Variants in XNDC1N observed in about 807,000 individuals in gnomAD.
XNDC1N encodes the protein protein XNDC1N.
chr11:71,873,876 G>C, the XNDC1N span, among the ~76,000 whole-genome samples: 1 of 152,182 alleles, frequency 6.6e-6, no homozygotes, highest in Admixed American at 6.5e-5. Context: ...TTGCATTTTA[G>C]AAACATATCT....
the XNDC1N span, among the ~76,000 whole-genome samples, chr11:71,890,231 T>C: frequency 6.6e-6 from 1 of 152,232 alleles, no homozygotes; most frequent in East Asian, 1.9e-4. Context: ...ACAGGGTTGA[T>C]GTACACCCAC....
At chr11:71,910,268 G>A in the XNDC1N span, among the ~76,000 whole-genome samples, 115,148 of 152,112 alleles carry the variant, frequency 0.76, 45,122 homozygotes, top group Non-Finnish European at 0.87. Flanking sequence ...TAAATAACCC[G>A]TCCACATTGT....
chr11:71,917,312 C>T, the XNDC1N span: 1 of 655,022 alleles, frequency 1.5e-6, no homozygotes, highest in Non-Finnish European at 2.8e-6. Context: ...CCACGCCTGG[C>T]CACAAAAATA....
At chr11:71,869,581 T>C in the XNDC1N span, among the ~76,000 whole-genome samples, 1 of 151,838 alleles carries the variant, frequency 6.6e-6, no homozygotes, top group African/African-American at 2.4e-5. Context: ...TCATAGAGAG[T>C]TTTTCATATC....
At chr11:71,867,149 T>G in the XNDC1N span, among the ~76,000 whole-genome samples, 1 of 147,688 alleles carries the variant, frequency 6.8e-6, no homozygotes, top group Non-Finnish European at 1.5e-5. Flanking sequence ...AACTGTTAAA[T>G]AACACAACAG....
the XNDC1N span, among the ~76,000 whole-genome samples, chr11:71,885,255 A>G: frequency 6.6e-6 from 1 of 152,092 alleles, no homozygotes; most frequent in Admixed American, 6.5e-5. Flanking sequence ...AAACAATATC[A>G]GTGGGGGTGT....
At chr11:71,901,212 G>A in the XNDC1N span, among the ~76,000 whole-genome samples, 1 of 152,102 alleles carries the variant, frequency 6.6e-6, no homozygotes, top group South Asian at 2.1e-4. Flanking sequence ...TCATCAATTC[G>A]GAGTTTGGCT....
At chr11:71,901,866 T>A in the XNDC1N span, among the ~76,000 whole-genome samples, 2 of 152,066 alleles carry the variant, frequency 1.3e-5, no homozygotes, top group Non-Finnish European at 2.9e-5. Context: ...GACGGATGCA[T>A]AAAGTAAAGG....
the XNDC1N span, among the ~76,000 whole-genome samples, chr11:71,885,931 G>A: frequency 3.9e-3 from 579 of 150,004 alleles, 3 homozygotes; most frequent in African/African-American, 0.014. Flanking sequence ...CATTATTATC[G>A]GTATTGATTT....
chr11:71,894,454 T>A, the XNDC1N span: 3 of 160,800 alleles, frequency 1.9e-5, no homozygotes, highest in Admixed American at 6.3e-5. Flanking sequence ...CCACATTAAA[T>A]CTCTACTTCT....
chr11:71,927,217 A>T, the XNDC1N span, among the ~76,000 whole-genome samples: 1 of 152,130 alleles, frequency 6.6e-6, no homozygotes, highest in East Asian at 1.9e-4. Context: ...ACTGCACTCC[A>T]GCCTGGGCGA....
the XNDC1N span, among the ~76,000 whole-genome samples, chr11:71,896,872 A>G: frequency 6.6e-6 from 1 of 152,102 alleles, no homozygotes; most frequent in Non-Finnish European, 1.5e-5. Flanking sequence ...CCCATGCTGT[A>G]TCCTTATCTG....
the XNDC1N span, among the ~76,000 whole-genome samples, chr11:71,889,604 G>A: frequency 1.3e-5 from 2 of 152,174 alleles, no homozygotes; most frequent in South Asian, 2.1e-4. Context: ...ACCACCCATC[G>A]AGGTCAGGAG....
the XNDC1N span, among the ~76,000 whole-genome samples, chr11:71,895,476 T>A: frequency 8.1e-4 from 12 of 14,872 alleles, no homozygotes; most frequent in African/African-American, 6.5e-3. Context: ...TGCCTGGCTA[T>A]TTTTTTTTTT....
At chr11:71,882,203 T>C in the XNDC1N span, among the ~76,000 whole-genome samples, 1 of 148,114 alleles carries the variant, frequency 6.8e-6, no homozygotes, top group African/African-American at 2.6e-5. Context: ...AAGTGAAATA[T>C]TTAAAATGTT....
At chr11:71,898,009 C>T in the XNDC1N span, among the ~76,000 whole-genome samples, 11 of 152,182 alleles carry the variant, frequency 7.2e-5, no homozygotes, top group Admixed American at 7.2e-4. Context: ...TTGGTGAAAC[C>T]CTGTCTCTAC....
the XNDC1N span, among the ~76,000 whole-genome samples, chr11:71,919,201 AT>A: frequency 6.6e-6 from 1 of 152,294 alleles, no homozygotes; most frequent in Admixed American, 6.5e-5. Context: ...TGGTTTACAG[AT>A]ACCATTTTTC....
the XNDC1N span, among the ~76,000 whole-genome samples, chr11:71,886,071 G>A: frequency 1.3e-5 from 2 of 152,096 alleles, no homozygotes; most frequent in African/African-American, 2.4e-5. Flanking sequence ...CCCAAAAGGG[G>A]ACACAAATGC....
chr11:71,891,553 C>T, the XNDC1N span, among the ~76,000 whole-genome samples: 1 of 152,104 alleles, frequency 6.6e-6, no homozygotes, highest in Non-Finnish European at 1.5e-5. Flanking sequence ...CTCTCCCGAC[C>T]TGGATACAGA....
Sources: gnomAD v4.1 joint callset for allele counts (sites outside exome capture counted in the v4.1 genomes callset) on GRCh38, gnomAD v4.1.1 for gene constraint, MANE v1.5 for transcripts, NCBI Gene and HGNC (gene_info 2026-07-23, HGNC 2026-07-21) for gene names.